Variants in MTUS1 observed in about 807,000 individuals in gnomAD.
MTUS1 encodes the protein microtubule associated scaffold protein 1, also known as microtubule-associated tumor suppressor 1.
Under a neutral mutation model 120.8 loss-of-function variants are expected in MTUS1, and 109 were observed. The observed-to-expected ratio is 0.90, with a 90% CI of 0.77 to 1.06. The LOEUF (loss-of-function observed/expected upper bound fraction) is 1.06. Ranked by LOEUF, MTUS1 falls within the 50% of genes least tolerant of loss-of-function variation. The pLI, the probability that MTUS1 is intolerant of heterozygous loss-of-function variation, is 0.00. For missense variants in MTUS1, 2,210 were observed against 1,486.3 expected, an observed-to-expected ratio of 1.49 and a Z score of -8.01; for synonymous variants, 737 against 550.5, an observed-to-expected ratio of 1.34 and a Z score of -4.74.
chr8:17,682,106 G>A (rs566515405), intron 7 of MTUS1, among the ~76,000 whole-genome samples: 36 of 152,302 alleles, frequency 2.4e-4, no homozygotes, highest in Non-Finnish European at 4.1e-4. Context: ...AGATAAGGGA[G>A]AACCACTGGA....
chr8:17,696,692 T>G lies in MTUS1; in HGVS notation c.2624-12150A>C, dbSNP rs139461341. On this transcript the variant is annotated intron_variant, in intron 6 of 14. Coordinates refer to ENST00000693296, the MANE Select transcript of MTUS1 (RefSeq NM_001363059.2). ...CAAACATAAACCTCAGGGGAAGTATTTTGAGACTGCACACACTTTTATTAT... is the reference window on the plus strand; with the variant it reads ...CAAACATAAACCTCAGGGGAAGTATGTTGAGACTGCACACACTTTTATTAT... 2.9e-3 allele frequency among the ~76,000 whole-genome samples: 436 copies of G among 152,304 alleles called. 6 individuals carry two copies. Among genetic ancestry groups the G allele is most frequent in the Middle Eastern group, 0.02 (6 of 294 alleles).
chr8:17,752,765 C>T (rs574754531), intron 2 of MTUS1, among the ~76,000 whole-genome samples: 65 of 152,274 alleles, frequency 4.3e-4, no homozygotes, highest in Non-Finnish European at 7.5e-4. Context: ...TCTCCGCTGG[C>T]ACTTAGCTCC....
intron 6 of MTUS1, among the ~76,000 whole-genome samples, chr8:17,703,416 G>A (rs949125979): frequency 2.0e-5 from 3 of 152,018 alleles, no homozygotes; most frequent in Non-Finnish European, 4.4e-5. Flanking sequence ...GGCAGATCAC[G>A]AGGTCAGGAG....
At chr8:17,667,950 T>G (rs1811242356) in intron 8 of MTUS1, among the ~76,000 whole-genome samples, 1 of 152,234 alleles carries the variant, frequency 6.6e-6, no homozygotes, top group Non-Finnish European at 1.5e-5. Context: ...AACTGGTCTT[T>G]TTACACTATT....
chr8:17,737,884 C>G (rs558098640), intron 3 of MTUS1, among the ~76,000 whole-genome samples: 1 of 152,270 alleles, frequency 6.6e-6, no homozygotes, highest in East Asian at 1.9e-4. Context: ...ATTTTGCTTA[C>G]TGTCTCCCTC....
chr8:17,711,771 A>G (rs924757426), intron 6 of MTUS1, among the ~76,000 whole-genome samples: 3 of 152,270 alleles, frequency 2.0e-5, no homozygotes, highest in Non-Finnish European at 4.4e-5. Context: ...AATCATTTCT[A>G]TCTTTTGATT....
At chr8:17,672,494 T>C (rs1249204351) in intron 8 of MTUS1, among the ~76,000 whole-genome samples, 1 of 152,106 alleles carries the variant, frequency 6.6e-6, no homozygotes, top group Admixed American at 6.5e-5. Context: ...TAAAACTGGG[T>C]TCCCAACTTT....
At chr8:17,675,100 C>G in intron 8 of MTUS1, 86 bp downstream of exon 8, 1 of 1,592,944 alleles carries the variant, frequency 6.3e-7, no homozygotes, top group Non-Finnish European at 8.6e-7. Flanking sequence ...GCATGCAACT[C>G]CAGCCACAAC....
chr8:17,763,788 T>C (rs1382066973), intron 1 of MTUS1, among the ~76,000 whole-genome samples: 1 of 152,186 alleles, frequency 6.6e-6, no homozygotes, highest in East Asian at 1.9e-4. Context: ...TTTCTATGTG[T>C]TTTGCAGGTA....
At chr8:17,786,724 C>G (rs186739172) in intron 1 of MTUS1, among the ~76,000 whole-genome samples, 1 of 152,086 alleles carries the variant, frequency 6.6e-6, no homozygotes, top group Non-Finnish European at 1.5e-5. Flanking sequence ...CTGGCTGGGG[C>G]TGGAAGAAAT....
intron 8 of MTUS1, 129 bp from the exon 9 acceptor site, chr8:17,656,194 C>A (rs889333520): frequency 1.6e-5 from 13 of 789,716 alleles, no homozygotes; most frequent in Non-Finnish European, 2.7e-5. Flanking sequence ...TCTCTAGTGA[C>A]CATGTCTTCA....
At chr8:17,699,668 C>CT (rs1328280193) in intron 6 of MTUS1, among the ~76,000 whole-genome samples, 6 of 152,250 alleles carry the variant, frequency 3.9e-5, no homozygotes, top group African/African-American at 1.4e-4. Flanking sequence ...AATGATATCT[C>CT]TTAACAGCAG....
chr8:17,788,867 G>C (rs1233488721), intron 1 of MTUS1, among the ~76,000 whole-genome samples: 1 of 152,134 alleles, frequency 6.6e-6, no homozygotes, highest in Non-Finnish European at 1.5e-5. Flanking sequence ...GTAAGTTTCA[G>C]GATAGTACTG....
At chr8:17,660,969 C>A (rs1415950957) in intron 8 of MTUS1, among the ~76,000 whole-genome samples, 1 of 152,162 alleles carries the variant, frequency 6.6e-6, no homozygotes, top group Non-Finnish European at 1.5e-5. Context: ...GCCTTTGGGA[C>A]TGAATATTAA....
In MTUS1 at chr8:17,743,633, G is replaced by C. The variant is rs373001050; in HGVS notation, c.2258C>G (p.Pro753Arg). 9.3e-6 allele frequency: 15 copies of C among 1,614,004 alleles called. No individual in the cohort carries two copies. The African/African-American group carries it at 2.0e-4, about 22-fold the overall frequency. Residue 753 changes from proline (P) to arginine (R), a missense_variant, in exon 3 of 15, where the codon CCT becomes CGT. Physicochemically the swap from Pro to Arg is moderately radical, Grantham distance 103 (BLOSUM62 -2). Transcript: ENST00000693296. ...ACTGGACACACGCCTGATCCTCTGA[G>C]GAGATACGGCTCGATCAGCACTGGG... is the stretch of plus-strand genomic sequence containing the variant. ...RNPSADRAVS[P>R]QRIRRVSSSG...
chr8:17,707,715 A>G (rs957208365), intron 6 of MTUS1, among the ~76,000 whole-genome samples: 2 of 152,226 alleles, frequency 1.3e-5, no homozygotes, highest in Admixed American at 1.3e-4. Context: ...AAGACGTTGA[A>G]TGACTCACAT....
At chr8:17,798,425 C>T (rs183845148) in intron 1 of MTUS1, among the ~76,000 whole-genome samples, 19 of 152,068 alleles carry the variant, frequency 1.2e-4, no homozygotes, top group African/African-American at 3.1e-4. Context: ...CTCCACCTCC[C>T]GGGTTCAAGC....
chr8:17,657,549 CAGAG>C (rs1446238237), intron 8 of MTUS1, among the ~76,000 whole-genome samples: 1 of 147,518 alleles, frequency 6.8e-6, no homozygotes, highest in African/African-American at 2.5e-5. Context: ...GCCTGGGCGA[CAGAG>C]AGAGACTCCG....
At chr8:17,770,943 C>T (rs1188177938) in intron 1 of MTUS1, among the ~76,000 whole-genome samples, 1 of 152,038 alleles carries the variant, frequency 6.6e-6, no homozygotes, top group Non-Finnish European at 1.5e-5. Flanking sequence ...GTGACTGCTT[C>T]TGGATTAAAG....
Sources: gnomAD v4.1 joint callset for allele counts (sites outside exome capture counted in the v4.1 genomes callset) on GRCh38, gnomAD v4.1.1 for gene constraint, MANE v1.5 for transcripts, NCBI Gene and HGNC (gene_info 2026-07-23, HGNC 2026-07-21) for gene names.